The following SLAIN2 variants were observed in gnomAD, a reference collection of about 807,000 sequenced individuals.
SLAIN2 encodes the protein SLAIN family member 2.
In SLAIN2, 31 loss-of-function variants were observed where a neutral mutation model predicts 56.6. The ratio of observed to expected loss-of-function variants is 0.55; its 90% CI spans 0.41 to 0.74. The LOEUF is 0.74. Among genes scored for constraint, SLAIN2 ranks in the 30% least tolerant of loss-of-function variants. The probability of loss-of-function intolerance (pLI) is 0.00; values close to 1 mark genes in which losing one functional copy is unlikely to be tolerated. For missense variants in SLAIN2, 777 were observed against 754.2 expected, an observed-to-expected ratio of 1.03 and a Z score of -0.35; for synonymous variants, 317 against 284.9, an observed-to-expected ratio of 1.11 and a Z score of -1.13.
intron 6 of SLAIN2, chr4:48,394,460 T>C (rs1716325462): frequency 2.7e-6 from 2 of 745,192 alleles, no homozygotes; most frequent in Non-Finnish European, 4.3e-6. Context: ...TTGCACCTTA[T>C]GGCTTCTGTT....
At chr4:48,359,240 GTGTC>G (rs1159617608) in intron 1 of SLAIN2, among the ~76,000 whole-genome samples, 1 of 152,178 alleles carries the variant, frequency 6.6e-6, no homozygotes, top group East Asian at 1.9e-4. Context: ...TGTGAAGACA[GTGTC>G]TGTTCTTTTG....
chr4:48,377,058 A>C (rs1425346047), intron 2 of SLAIN2, among the ~76,000 whole-genome samples: 1 of 151,578 alleles, frequency 6.6e-6, no homozygotes, highest in Non-Finnish European at 1.5e-5. Context: ...AAAAAGTAAT[A>C]GGTTGAGTGC....
chr4:48,388,442 G>A (rs1343590987), intron 6 of SLAIN2, among the ~76,000 whole-genome samples: 3 of 152,120 alleles, frequency 2.0e-5, no homozygotes, highest in Non-Finnish European at 1.5e-5. Context: ...TGAGAAATAA[G>A]GGAAGGGAGA....
chr4:48,418,459 A>G (rs1717058235), intron 6 of SLAIN2, among the ~76,000 whole-genome samples: 1 of 151,916 alleles, frequency 6.6e-6, no homozygotes, highest in Admixed American at 6.6e-5. Flanking sequence ...ACACTGATTG[A>G]TTTTCAAATA....
At chr4:48,368,778 T>C (rs1341034042) in intron 1 of SLAIN2, among the ~76,000 whole-genome samples, 1 of 152,204 alleles carries the variant, frequency 6.6e-6, no homozygotes, top group Non-Finnish European at 1.5e-5. Flanking sequence ...GAAATGGTCA[T>C]CTACCCCATT....
rs183758304 is a variant in SLAIN2, at chr4:48,407,640, G to A, written c.1361-12485G>A. ...ATTTTATGGTTCTTAGCTCTCTCTCGTATTTGGAAGTGTTCAGAAACATGG... is the reference window on the plus strand; with the variant it reads ...ATTTTATGGTTCTTAGCTCTCTCTCATATTTGGAAGTGTTCAGAAACATGG... On this transcript the variant is annotated intron_variant, in intron 6 of 7. Coordinates refer to ENST00000264313, the MANE Select transcript of SLAIN2 (RefSeq NM_020846.2). 1.4e-4 allele frequency among the ~76,000 whole-genome samples: 22 copies of A among 151,988 alleles called. 1 individual carries two copies. Among genetic ancestry groups the A allele is most frequent in the Admixed American group, 9.8e-4 (15 of 15,282 alleles).
intron 6 of SLAIN2, among the ~76,000 whole-genome samples, chr4:48,397,545 G>A (rs1389757267): frequency 6.6e-6 from 1 of 152,164 alleles, no homozygotes; most frequent in Admixed American, 6.5e-5. Context: ...TGTGCAGGAT[G>A]TGCAGGTTTG....
intron 3 of SLAIN2, among the ~76,000 whole-genome samples, chr4:48,378,435 C>T (rs940012089): frequency 6.6e-6 from 1 of 152,116 alleles, no homozygotes; most frequent in African/African-American, 2.4e-5. Context: ...GATACTGCAG[C>T]TAAATAATAG....
At chr4:48,394,728 A>G (rs1271391613) in intron 6 of SLAIN2, 1 of 1,178,056 alleles carries the variant, frequency 8.5e-7, no homozygotes, top group Non-Finnish European at 1.2e-6. Flanking sequence ...TGGCATACTG[A>G]GTCAGTGGTG....
At chr4:48,362,372 AATTT>A (rs1221438207) in intron 1 of SLAIN2, among the ~76,000 whole-genome samples, 6 of 151,368 alleles carry the variant, frequency 4.0e-5, no homozygotes, top group East Asian at 1.9e-4. Context: ...AAGGTTTTTA[AATTT>A]ATTTATTTCT....
At chr4:48,407,827 C>T (rs1716740061) in intron 6 of SLAIN2, among the ~76,000 whole-genome samples, 1 of 152,134 alleles carries the variant, frequency 6.6e-6, no homozygotes, top group Non-Finnish European at 1.5e-5. Flanking sequence ...ATAAGAAACC[C>T]CATACTTATT....
At chr4:48,388,399 T>C (rs1716153703) in intron 6 of SLAIN2, among the ~76,000 whole-genome samples, 1 of 152,106 alleles carries the variant, frequency 6.6e-6, no homozygotes, top group Admixed American at 6.6e-5. Context: ...TAGCAGAAAG[T>C]TTAGTTTCCA....
At chr4:48,397,676 C>T (rs549770251) in intron 6 of SLAIN2, among the ~76,000 whole-genome samples, 8 of 152,130 alleles carry the variant, frequency 5.3e-5, no homozygotes, top group African/African-American at 1.9e-4. Flanking sequence ...CCGCCCCTGA[C>T]AGCCGCCAGT....
chr4:48,420,466 C>T (rs780536812), intron 7 of SLAIN2, 23 bp downstream of exon 7: 5 of 1,610,700 alleles, frequency 3.1e-6, no homozygotes, highest in Non-Finnish European at 4.2e-6. Context: ...TGTTCTGTTT[C>T]AGCATTCTTG....
Position 48,425,857 on chromosome 4 carries a change from A to G in SLAIN2, c.*3780A>G, listed in dbSNP as rs1244517026. 1.3e-5 allele frequency: 2 copies of G among 152,176 alleles called. No homozygotes were observed. Among genetic ancestry groups the G allele is most frequent in the Admixed American group, 1.3e-4 (2 of 15,270 alleles). 9.4% of individuals were successfully genotyped at this position (152,176 alleles called of 1,614,324 possible). ...TCTGAAAATGAAACCGATTATACTC[A>G]TCGGCCTTATTTACTGTAATACAAA... On this transcript the variant is annotated 3_prime_UTR_variant, in exon 8 of 8. Coordinates refer to ENST00000264313, the MANE Select transcript of SLAIN2 (RefSeq NM_020846.2).
In SLAIN2 at chr4:48,369,860, C is replaced by T. The variant is rs764967373; in HGVS notation, c.401C>T (p.Ser134Leu). ...TTGTCTTCTTCTAGGCTGTATTCAT[C>T]ACCAAAGAAAAAACTTACACCAATG... is the stretch of plus-strand genomic sequence containing the variant. ...EEEEESWLYS[S>L]PKKKLTPMQK... Residue 134 changes from serine to leucine, a missense_variant, in exon 2 of 8, where the codon TCA becomes TTA. Transcript: ENST00000264313. 6.2e-7 allele frequency: 1 copy of T among 1,613,014 alleles called. No homozygotes were observed. Among genetic ancestry groups the T allele is most frequent in the Non-Finnish European group, 8.5e-7 (1 of 1,179,474 alleles).
At chr4:48,410,792 C>T (rs1716824965) in intron 6 of SLAIN2, among the ~76,000 whole-genome samples, 1 of 152,206 alleles carries the variant, frequency 6.6e-6, no homozygotes, top group South Asian at 2.1e-4. Flanking sequence ...ATCAGTATCT[C>T]AACATCAGAT....
intron 6 of SLAIN2, among the ~76,000 whole-genome samples, chr4:48,412,189 G>C (rs1034675619): frequency 2.0e-5 from 3 of 152,078 alleles, no homozygotes; most frequent in African/African-American, 7.2e-5. Context: ...ATGTACAGCT[G>C]TTTATATATA....
At chr4:48,418,381 T>G (rs1431431341) in intron 6 of SLAIN2, among the ~76,000 whole-genome samples, 1 of 152,180 alleles carries the variant, frequency 6.6e-6, no homozygotes, top group Non-Finnish European at 1.5e-5. Context: ...TGTTGAATTT[T>G]GTCAGATGCT....
Sources: gnomAD v4.1 joint callset for allele counts (sites outside exome capture counted in the v4.1 genomes callset) on GRCh38, gnomAD v4.1.1 for gene constraint, MANE v1.5 for transcripts, NCBI Gene and HGNC (gene_info 2026-07-23, HGNC 2026-07-21) for gene names.